Variants in TCF7L1 observed in about 807,000 individuals in gnomAD.
The protein encoded by TCF7L1 is transcription factor 7 like 1.
In TCF7L1, 18 loss-of-function variants were observed where a neutral mutation model predicts 63.7. The ratio of observed to expected loss-of-function variants is 0.28; its 90% confidence interval spans 0.20 to 0.42. TCF7L1 has a LOEUF of 0.42. Ranked by LOEUF, TCF7L1 falls within the 10% of genes least tolerant of loss-of-function variation. The pLI is 1.00. For missense variants in TCF7L1, 654 were observed against 779.3 expected (o/e 0.84, Z 1.91); for synonymous variants, 355 against 340.9 (o/e 1.04, Z -0.46).
At position 85,283,475 on chromosome 2, in the gene TCF7L1, C is replaced by A; in HGVS notation, c.442-20C>A. The A allele has an allele frequency of 6.2e-7, 1 of 1,614,014 alleles. No individual in the cohort carries two copies. The highest frequency in any genetic ancestry group is 8.5e-7 in the Non-Finnish European group (1 of 1,179,932). Reference sequence around the variant, plus strand: ...GGCCTCATCTCACCAACAGCTTTTTCTTTTCTGTTCCCTGTGCAGTACCTG... The same window carrying A: ...GGCCTCATCTCACCAACAGCTTTTTATTTTCTGTTCCCTGTGCAGTACCTG... On this transcript the variant is annotated intron_variant, in intron 3 of 11. Transcript: ENST00000282111.
intron 3 of TCF7L1, among the ~76,000 whole-genome samples, chr2:85,252,543 C>T (rs906039834): frequency 3.9e-5 from 6 of 152,186 alleles, no homozygotes; most frequent in African/African-American, 1.2e-4. Flanking sequence ...GTTTGGGGAG[C>T]CTCTGACTCC....
chr2:85,139,626 C>G (rs1411815295), intron 3 of TCF7L1, among the ~76,000 whole-genome samples: 6 of 152,100 alleles, frequency 3.9e-5, no homozygotes, highest in Non-Finnish European at 8.8e-5. Context: ...CCAGGTAATT[C>G]TTGTTAATTT....
intron 4 of TCF7L1, among the ~76,000 whole-genome samples, chr2:85,298,595 G>A (rs953810537): frequency 6.6e-6 from 1 of 152,074 alleles, no homozygotes; most frequent in African/African-American, 2.4e-5. Flanking sequence ...AAATAGACGG[G>A]AAACACCTGA....
At chr2:85,219,524 T>C (rs374261692) in intron 3 of TCF7L1, among the ~76,000 whole-genome samples, 1 of 152,056 alleles carries the variant, frequency 6.6e-6, no homozygotes, top group East Asian at 1.9e-4. Context: ...ATATAGTGAA[T>C]TAACTCAGAT....
chr2:85,178,777 GA>G (rs1248068186), intron 3 of TCF7L1, among the ~76,000 whole-genome samples: 2 of 152,270 alleles, frequency 1.3e-5, no homozygotes, highest in African/African-American at 4.8e-5. Flanking sequence ...TGAGCTTTGA[GA>G]ACCACAGAGA....
intron 3 of TCF7L1, among the ~76,000 whole-genome samples, chr2:85,199,155 T>C (rs1462125327): frequency 2.6e-5 from 4 of 152,198 alleles, no homozygotes; most frequent in Admixed American, 2.6e-4. Context: ...ATGTCCATGA[T>C]GGTTCAGGCT....
At chr2:85,197,898 AG>A (rs1362195976) in intron 3 of TCF7L1, among the ~76,000 whole-genome samples, 1 of 152,162 alleles carries the variant, frequency 6.6e-6, no homozygotes, top group Non-Finnish European at 1.5e-5. Context: ...GTGGCCTCAT[AG>A]GGGTAACTTA....
chr2:85,210,159 T>C (rs1679510008), intron 3 of TCF7L1, among the ~76,000 whole-genome samples: 1 of 152,200 alleles, frequency 6.6e-6, no homozygotes, highest in African/African-American at 2.4e-5. Flanking sequence ...CTCCCAGCCA[T>C]GTTACCATTA....
At chr2:85,143,704 T>C (rs939987976) in intron 3 of TCF7L1, among the ~76,000 whole-genome samples, 1 of 152,220 alleles carries the variant, frequency 6.6e-6, no homozygotes, top group Non-Finnish European at 1.5e-5. Flanking sequence ...ATGCCTGATA[T>C]AATTAGCTCC....
intron 3 of TCF7L1, among the ~76,000 whole-genome samples, chr2:85,278,301 G>A (rs1483106834): frequency 6.6e-6 from 1 of 152,212 alleles, no homozygotes; most frequent in African/African-American, 2.4e-5. Context: ...GAGGAGCAGA[G>A]CCCCTCTGAA....
chr2:85,172,513 G>A (rs1459814623), intron 3 of TCF7L1, among the ~76,000 whole-genome samples: 1 of 152,142 alleles, frequency 6.6e-6, no homozygotes, highest in Non-Finnish European at 1.5e-5. Context: ...AGCAACCTCT[G>A]CCTCCCAGGT....
intron 3 of TCF7L1, among the ~76,000 whole-genome samples, chr2:85,186,123 C>T (rs550620946): frequency 8.5e-5 from 13 of 152,056 alleles, no homozygotes; most frequent in South Asian, 2.1e-4. Flanking sequence ...CCTGCCACCA[C>T]GCCTGGCTAG....
intron 3 of TCF7L1, among the ~76,000 whole-genome samples, chr2:85,161,142 G>A (rs1678277105): frequency 6.6e-6 from 1 of 152,118 alleles, no homozygotes; most frequent in Non-Finnish European, 1.5e-5. Context: ...TACTGTAACA[G>A]CTTCAACGCA....
At chr2:85,187,320 C>A (rs895016321) in intron 3 of TCF7L1, 1 of 152,104 alleles carries the variant, frequency 6.6e-6, no homozygotes. Context: ...TGTCTAATAG[C>A]GGAATTTCAG....
chr2:85,191,825 CAAAA>C (rs758489919), intron 3 of TCF7L1, among the ~76,000 whole-genome samples: 5 of 91,322 alleles, frequency 5.5e-5, no homozygotes, highest in Non-Finnish European at 2.4e-5. Flanking sequence ...AACTCCATCT[CAAAA>C]AAAAAAAAAA....
At chr2:85,182,812 G>C (rs1194808765) in intron 3 of TCF7L1, among the ~76,000 whole-genome samples, 1 of 152,232 alleles carries the variant, frequency 6.6e-6, no homozygotes, top group Non-Finnish European at 1.5e-5. Context: ...GAGCTCTGCT[G>C]TCTTCCTGAG....
At chr2:85,256,467 T>C (rs931854386) in intron 3 of TCF7L1, among the ~76,000 whole-genome samples, 1 of 152,180 alleles carries the variant, frequency 6.6e-6, no homozygotes, top group Non-Finnish European at 1.5e-5. Flanking sequence ...GTCAGGCTGC[T>C]CAGCTGCCTA....
intron 4 of TCF7L1, among the ~76,000 whole-genome samples, chr2:85,297,343 T>C (rs548229293): frequency 2.0e-5 from 3 of 152,140 alleles, no homozygotes; most frequent in Non-Finnish European, 4.4e-5. Flanking sequence ...CACACCACTT[T>C]CAGGAGCTCA....
chr2:85,299,866 C>CACACACACACACACACACACAA (rs1681929287), intron 4 of TCF7L1, among the ~76,000 whole-genome samples: 1 of 125,592 alleles, frequency 8.0e-6, no homozygotes, highest in Non-Finnish European at 1.7e-5. Context: ...CTCAAACACA[C>CACACACACACACACACACACAA]ACACACACAC....
Sources: allele counts gnomAD v4.1 joint callset (sites outside exome capture counted in the v4.1 genomes callset), GRCh38; gene constraint gnomAD v4.1.1; transcripts MANE v1.5; gene names NCBI Gene and HGNC (gene_info 2026-07-23, HGNC 2026-07-21).